INO80: variants seen among roughly 807,000 people sequenced by gnomAD.
The protein encoded by INO80 is chromatin-remodeling ATPase INO80.
Under a neutral mutation model 203.4 loss-of-function variants are expected in INO80, and 20 were observed. The observed-to-expected ratio is 0.10, with a 90% CI of 0.07 to 0.14. INO80 has a LOEUF of 0.14. INO80 is among the 10% of genes least tolerant of loss of function. The pLI, the probability that INO80 is intolerant of heterozygous loss-of-function variation, is 1.00. For missense variants in INO80, 1,419 were observed against 1,914.4 expected (o/e 0.74, Z 4.83); for synonymous variants, 726 against 685.2 (o/e 1.06, Z -0.93).
intron 8 of INO80, 124 bp from the exon 9 acceptor site, chr15:41,080,028 T>A: frequency 1.3e-6 from 1 of 771,998 alleles, no homozygotes; most frequent in Non-Finnish European, 2.2e-6. Context: ...CACATCTTTC[T>A]CCTGCAACTT....
intron 5 of INO80, among the ~76,000 whole-genome samples, chr15:41,090,408 T>A (rs2045617951): frequency 6.6e-6 from 1 of 152,112 alleles, no homozygotes. Flanking sequence ...AAAACCCGTC[T>A]TTACTAAAAA....
intron 35 of INO80, among the ~76,000 whole-genome samples, chr15:40,982,236 T>G (rs1340106255): frequency 6.6e-6 from 1 of 152,190 alleles, no homozygotes; most frequent in East Asian, 1.9e-4. Context: ...AACCTCCACC[T>G]CCAGGGTTCA....
intron 1 of INO80, among the ~76,000 whole-genome samples, chr15:41,109,469 T>C (rs2045928538): frequency 1.3e-5 from 2 of 149,982 alleles, no homozygotes; most frequent in African/African-American, 2.5e-5. Flanking sequence ...TAATGAGTAA[T>C]TGGCCACTGC....
chr15:41,052,636 G>T (rs2044895859), intron 19 of INO80, among the ~76,000 whole-genome samples: 1 of 142,148 alleles, frequency 7.0e-6, no homozygotes, highest in Admixed American at 7.5e-5. Context: ...TTGCACCACT[G>T]CATTCCACCA....
intron 19 of INO80, among the ~76,000 whole-genome samples, chr15:41,053,391 C>G (rs1161788149): frequency 1.3e-5 from 2 of 152,098 alleles, no homozygotes; most frequent in Non-Finnish European, 2.9e-5. Context: ...AGGCATGAGC[C>G]ACCGTGCCCG....
At chr15:41,056,234 C>T (rs2044983011) in intron 17 of INO80, among the ~76,000 whole-genome samples, 1 of 152,096 alleles carries the variant, frequency 6.6e-6, no homozygotes, top group Non-Finnish European at 1.5e-5. Context: ...GCATGAGCAG[C>T]TGCACGCAGC....
chr15:41,094,824 T>C (rs1378718586), intron 4 of INO80, among the ~76,000 whole-genome samples: 2 of 152,022 alleles, frequency 1.3e-5, no homozygotes, highest in Non-Finnish European at 2.9e-5. Flanking sequence ...ACCAATAAGA[T>C]GCCACAAGTG....
chr15:41,065,207 G>A (rs190030120), intron 14 of INO80, among the ~76,000 whole-genome samples: 414 of 152,232 alleles, frequency 2.7e-3, no homozygotes, highest in Non-Finnish European at 4.8e-3. Context: ...GGAGGCAGAG[G>A]AGGGCAGATC....
chr15:41,099,101 C>A (rs73399093), intron 1 of INO80, among the ~76,000 whole-genome samples: 11,211 of 151,164 alleles, frequency 0.074, 1,211 homozygotes, highest in African/African-American at 0.24. Context: ...AAAAATTAGC[C>A]AAGTATGGTG....
chr15:41,094,314 TA>T (rs1336617229), intron 4 of INO80, among the ~76,000 whole-genome samples: 1 of 152,194 alleles, frequency 6.6e-6, no homozygotes, highest in Non-Finnish European at 1.5e-5. Flanking sequence ...CTAGCCATAT[TA>T]GACTTCTTTT....
chr15:41,047,385 C>A, intron 23 of INO80, 23 bp downstream of exon 23: 1 of 1,532,698 alleles, frequency 6.5e-7, no homozygotes, highest in South Asian at 1.1e-5. Flanking sequence ...GGCCTCTTAT[C>A]AAGCAATAAG....
chr15:41,008,948 C>T (rs1332040023), intron 27 of INO80, among the ~76,000 whole-genome samples: 1 of 152,188 alleles, frequency 6.6e-6, no homozygotes, highest in Non-Finnish European at 1.5e-5. Flanking sequence ...ATTCTCCTGC[C>T]TCAGTCTCCC....
chr15:41,026,109 C>T (rs1458693030), intron 25 of INO80, among the ~76,000 whole-genome samples: 1 of 152,152 alleles, frequency 6.6e-6, no homozygotes. Flanking sequence ...TCTAGGCAGG[C>T]AGGAGTCAAC....
intron 25 of INO80, 114 bp downstream of exon 25, chr15:41,027,482 T>G: frequency 1.1e-6 from 1 of 902,340 alleles, no homozygotes; most frequent in Admixed American, 3.2e-5. Context: ...AATTTATATG[T>G]TTCTTAAAGT....
At chr15:41,072,536 T>A (rs571824553) in intron 11 of INO80, among the ~76,000 whole-genome samples, 1 of 149,886 alleles carries the variant, frequency 6.7e-6, no homozygotes, top group African/African-American at 2.5e-5. Context: ...CTGGCCAACA[T>A]GGTGAAACCC....
In INO80 at chr15:41,056,176, G is replaced by A. The variant is rs531354887; in HGVS notation, c.2070+446C>T. Among the ~76,000 whole-genome samples, 9 of 151,938 alleles carry A rather than the reference G, an allele frequency of 5.9e-5. No individual in the cohort carries two copies. The South Asian group carries it at 1.7e-3, about 28-fold the overall frequency. ...GCCCAGGCTGGTCTTGAACTGCTGG[G>A]TTCAAGGCATCCTCCCACTTCGACC... On this transcript the variant is annotated intron_variant, in intron 17 of 35. Transcript: ENST00000648947.
intron 25 of INO80, 62 bp downstream of exon 25, chr15:41,027,534 T>G: frequency 7.3e-7 from 1 of 1,360,854 alleles, no homozygotes; most frequent in Non-Finnish European, 1.0e-6. Flanking sequence ...ATAAATCCCT[T>G]AAAAATTGGT....
At chr15:41,002,482 A>C (rs1188424262) in intron 28 of INO80, among the ~76,000 whole-genome samples, 1 of 152,210 alleles carries the variant, frequency 6.6e-6, no homozygotes, top group Non-Finnish European at 1.5e-5. Flanking sequence ...CCTGGGTCTC[A>C]CAGCCCAGTT....
chr15:41,064,322 A>G (rs756076665), intron 14 of INO80, among the ~76,000 whole-genome samples: 6 of 152,236 alleles, frequency 3.9e-5, no homozygotes, highest in Non-Finnish European at 7.3e-5. Flanking sequence ...TTAAGGTATC[A>G]ATTAATAACA....
Sources: allele counts gnomAD v4.1 joint callset (sites outside exome capture counted in the v4.1 genomes callset), GRCh38; gene constraint gnomAD v4.1.1; transcripts MANE v1.5; gene names NCBI Gene and HGNC (gene_info 2026-07-23, HGNC 2026-07-21).